Variants in EHMT1 observed in about 807,000 individuals in gnomAD.
The protein encoded by EHMT1 is histone-lysine N-methyltransferase EHMT1.
A neutral mutation model predicts 147.2 loss-of-function variants in EHMT1; 15 were observed. The ratio of observed to expected loss-of-function variants is 0.10; its 90% confidence interval spans 0.07 to 0.16. EHMT1 has a LOEUF of 0.16. Among genes scored for constraint, EHMT1 ranks in the 10% least tolerant of loss-of-function variants. The pLI is 1.00. For missense variants in EHMT1, 1,587 were observed against 1,772.4 expected, an observed-to-expected ratio of 0.90 and a Z score of 1.88; for synonymous variants, 795 against 709.6, an observed-to-expected ratio of 1.12 and a Z score of -1.91.
At chr9:137,737,408 G>C (rs965298130) in intron 4 of EHMT1, among the ~76,000 whole-genome samples, 3 of 152,170 alleles carry the variant, frequency 2.0e-5, no homozygotes, top group African/African-American at 7.2e-5. Flanking sequence ...TTCAACGGGG[G>C]AAAGGACAGC....
intron 15 of EHMT1, chr9:137,784,304 A>T: frequency 7.0e-7 from 1 of 1,421,832 alleles, no homozygotes; most frequent in Non-Finnish European, 9.3e-7. Flanking sequence ...GCGTGGCTCC[A>T]TCTTCACAGC....
chr9:137,681,722 C>T (rs1941958341), intron 1 of EHMT1, among the ~76,000 whole-genome samples: 1 of 152,142 alleles, frequency 6.6e-6, no homozygotes, highest in Admixed American at 6.5e-5. Context: ...CGAGTCTCCC[C>T]TGCACCTCTG....
chr9:137,696,708 C>T (rs1336056941), intron 1 of EHMT1, among the ~76,000 whole-genome samples: 2 of 152,118 alleles, frequency 1.3e-5, no homozygotes. Flanking sequence ...AAGGGTTTTT[C>T]CTTCCATTTT....
chr9:137,782,521 C>T lies in EHMT1; in HGVS notation c.2382+124C>T. ...GTTCCGTAGTGCTGTGAATCGGGCA[C>T]AGAGTCAGCTTTTCTGCCCCCGAGT... is the stretch of plus-strand genomic sequence containing the variant. On this transcript the variant is annotated intron_variant, in intron 15 of 26. Transcript: ENST00000460843. The surrounding 1 kb of genome is among the most constrained non-coding windows in gnomAD (Gnocchi z 5.7). 3.2e-6 allele frequency: 3 copies of T among 925,898 alleles called. No individual in the cohort carries two copies. Among genetic ancestry groups the T allele is most frequent in the Non-Finnish European group, 5.0e-6 (3 of 596,748 alleles). 57.4% of individuals were successfully genotyped at this position (925,898 alleles called of 1,614,324 possible). A position where few individuals can be genotyped will look rare whatever the true frequency, so the allele number is the denominator to read the frequency against.
intron 1 of EHMT1, among the ~76,000 whole-genome samples, chr9:137,629,763 C>T (rs1235968427): frequency 6.6e-6 from 1 of 152,028 alleles, no homozygotes; most frequent in African/African-American, 2.4e-5. Context: ...CTCCTGACCT[C>T]AGGTGATCCG....
At chr9:137,652,170 C>T (rs570081777) in intron 1 of EHMT1, among the ~76,000 whole-genome samples, 28 of 152,268 alleles carry the variant, frequency 1.8e-4, no homozygotes, top group Non-Finnish European at 1.8e-4. Flanking sequence ...TGAAGATCTT[C>T]TAGGGGACAA....
chr9:137,781,297 T>C (rs1325289201), intron 14 of EHMT1, among the ~76,000 whole-genome samples: 2 of 122,244 alleles, frequency 1.6e-5, no homozygotes, highest in Non-Finnish European at 3.3e-5. Flanking sequence ...AGATGTGTGG[T>C]GATGACGGCA....
At chr9:137,713,176 G>A (rs1356338386) in intron 2 of EHMT1, among the ~76,000 whole-genome samples, 1 of 151,746 alleles carries the variant, frequency 6.6e-6, no homozygotes, top group East Asian at 1.9e-4. Flanking sequence ...GCTTACTCTA[G>A]CCTCCATCTC....
intron 4 of EHMT1, among the ~76,000 whole-genome samples, chr9:137,738,298 A>C (rs1489231580): frequency 6.6e-6 from 1 of 152,224 alleles, no homozygotes; most frequent in Non-Finnish European, 1.5e-5. Context: ...CAGTAAGCCC[A>C]TGAAAAGATG....
At chr9:137,680,232 G>T (rs1013252035) in intron 1 of EHMT1, among the ~76,000 whole-genome samples, 4 of 152,164 alleles carry the variant, frequency 2.6e-5, no homozygotes, top group African/African-American at 9.7e-5. Context: ...CCAGCACTCT[G>T]GGAGGCCGAG....
chr9:137,749,984 A>AT lies in EHMT1; in HGVS notation c.1171-2345dup, dbSNP rs1358769177. Among the ~76,000 whole-genome samples the AT allele has an allele frequency of 3.9e-5, 6 of 152,358 alleles. No individual in the cohort carries two copies. In the East Asian group the frequency reaches 1.2e-3, roughly 29 times the overall value. On this transcript the variant is annotated intron_variant, in intron 6 of 26. Transcript: ENST00000460843. ...TCACCTCTGACACGAATGCGGCAGC[A>AT]TTGACTGTTCCTGCTGATTCTGTAA...
intron 1 of EHMT1, among the ~76,000 whole-genome samples, chr9:137,622,031 T>C (rs1339735145): frequency 2.6e-5 from 4 of 151,326 alleles, no homozygotes; most frequent in Non-Finnish European, 4.4e-5. Flanking sequence ...TTGTTACATA[T>C]GTATACATGT....
intron 9 of EHMT1, among the ~76,000 whole-genome samples, chr9:137,760,435 C>G (rs1284605101): frequency 6.6e-6 from 1 of 152,156 alleles, no homozygotes; most frequent in Non-Finnish European, 1.5e-5. Context: ...CAGAGACCCC[C>G]CCAGCTTTAA....
Position 137,813,303 on chromosome 9 carries a change from T to A in EHMT1, c.3036-83T>A. 6.4e-7 allele frequency: 1 copy of A among 1,559,592 alleles called. No homozygotes were observed. Among genetic ancestry groups the A allele is most frequent in the Non-Finnish European group, 8.6e-7 (1 of 1,158,188 alleles). On this transcript the variant is annotated intron_variant, in intron 20 of 26. Coordinates refer to ENST00000460843, the MANE Select transcript of EHMT1 (RefSeq NM_024757.5). This position sits in a 1 kb window ranked among gnomAD's most constrained non-coding sequence, Gnocchi z 4.9. ...GTCCAAATTGTCAGGGCCAGGTGTT[T>A]GCCAGCCGCCCCACTGCACGCTGTG...
chr9:137,811,326 C>T, intron 18 of EHMT1, 135 bp from the exon 19 acceptor site: 3 of 1,233,402 alleles, frequency 2.4e-6, no homozygotes, highest in Non-Finnish European at 3.5e-6. Context: ...ACCCTTTCCA[C>T]CTGGCCCTGC....
At chr9:137,803,447 G>A (rs1953668294) in intron 18 of EHMT1, 1 of 359,038 alleles carries the variant, frequency 2.8e-6, no homozygotes, top group Non-Finnish European at 3.9e-6. Flanking sequence ...ATAGAAAAGG[G>A]CTCTCACCAT....
In EHMT1 at chr9:137,728,467, C is replaced by T; in HGVS notation, c.761C>T (p.Pro254Leu). 1 of 1,614,036 alleles carries T rather than the reference C, an allele frequency of 6.2e-7. No individual in the cohort carries two copies. The highest frequency in any genetic ancestry group is 8.5e-7 in the Non-Finnish European group (1 of 1,179,950). The change falls in exon 4 of 27, where the codon CCA becomes CTA. Residue 254 changes from proline (P) to leucine (L), a missense_variant. Pro to Leu is a moderately conservative substitution (Grantham distance 98). Around this residue, in one of 7 missense-constraint regions of EHMT1, gnomAD observed 810 missense variants for 673.0 expected, o/e 1.20. Transcript: ENST00000460843. ...FGRQQLLPPF[P>L]SLHQSLPQNQ... ...CGACAGCAGCTTTTACCCCCCTTCCCATCCCTTCATCAGTCGCTACCTCAG... is the reference window on the plus strand; with the variant it reads ...CGACAGCAGCTTTTACCCCCCTTCCTATCCCTTCATCAGTCGCTACCTCAG...
intron 1 of EHMT1, among the ~76,000 whole-genome samples, chr9:137,669,932 C>A (rs1056184050): frequency 1.3e-5 from 2 of 152,092 alleles, no homozygotes; most frequent in Non-Finnish European, 2.9e-5. Context: ...CTCTCTGCAA[C>A]CTCTGCCGCC....
rs1270690568 is a variant in EHMT1, at chr9:137,732,275, C to T, written c.823+3746C>T. On this transcript the variant is annotated intron_variant, in intron 4 of 26. Coordinates refer to ENST00000460843, the MANE Select transcript of EHMT1 (RefSeq NM_024757.5). The surrounding 1 kb of genome is among the most constrained non-coding windows in gnomAD (Gnocchi z 4.6). ...ACCGCTCTTCACTCCCGCAGTTCAGCGAACGGGAGCGTGTCACTGCCTGCA... is the reference window on the plus strand; with the variant it reads ...ACCGCTCTTCACTCCCGCAGTTCAGTGAACGGGAGCGTGTCACTGCCTGCA... Among the ~76,000 whole-genome samples, 39 of 152,228 alleles carry T rather than the reference C, an allele frequency of 2.6e-4. No individual in the cohort carries two copies. Among genetic ancestry groups the T allele is most frequent in the Admixed American group, 2.3e-3 (35 of 15,292 alleles).
Sources: allele counts gnomAD v4.1 joint callset (sites outside exome capture counted in the v4.1 genomes callset), GRCh38; gene constraint gnomAD v4.1.1; regional missense constraint gnomAD v4.1.1; non-coding constraint Gnocchi (gnomAD v3.1); transcripts MANE v1.5; gene names NCBI Gene and HGNC (gene_info 2026-07-23, HGNC 2026-07-21).